Variants in EXD3 observed in about 807,000 individuals in gnomAD.
EXD3 encodes the protein exonuclease 3'-5' domain containing 3.
A neutral mutation model predicts 98.0 loss-of-function variants in EXD3; 92 were observed. The ratio of observed to expected loss-of-function variants is 0.94; its 90% CI spans 0.79 to 1.12. The LOEUF (loss-of-function observed/expected upper bound fraction) is 1.12. Ranked by LOEUF, EXD3 falls within the 50% of genes most tolerant of loss-of-function variation. The probability of loss-of-function intolerance (pLI) is 0.00; values close to 1 mark genes in which losing one functional copy is unlikely to be tolerated. For missense variants in EXD3, 1,222 were observed against 1,191.6 expected, an observed-to-expected ratio of 1.03 and a Z score of -0.38; for synonymous variants, 569 against 526.0, an observed-to-expected ratio of 1.08 and a Z score of -1.12.
intron 1 of EXD3, among the ~76,000 whole-genome samples, chr9:137,413,540 C>G (rs1838101106): frequency 6.9e-6 from 1 of 145,642 alleles, no homozygotes; most frequent in South Asian, 2.2e-4. Flanking sequence ...GGGTCTCGCT[C>G]TGTCACCCAG....
intron 19 of EXD3, among the ~76,000 whole-genome samples, chr9:137,319,868 A>G (rs957716714): frequency 2.0e-5 from 3 of 152,112 alleles, no homozygotes; most frequent in African/African-American, 7.2e-5. Context: ...CCCTCTCCCA[A>G]CAGCTCTCTG....
chr9:137,380,050 G>A (rs1836149692), intron 3 of EXD3, among the ~76,000 whole-genome samples: 1 of 151,898 alleles, frequency 6.6e-6, no homozygotes, highest in African/African-American at 2.4e-5. Context: ...TCCAGCTCCT[G>A]TCCTTATCTT....
intron 1 of EXD3, among the ~76,000 whole-genome samples, chr9:137,406,803 T>C (rs114533924): frequency 0.011 from 1,691 of 152,046 alleles, 27 homozygotes; most frequent in African/African-American, 0.039. Flanking sequence ...GGTGTCTGTG[T>C]CCCGACCCCC....
intron 17 of EXD3, among the ~76,000 whole-genome samples, chr9:137,332,570 G>A (rs185235246): frequency 5.5e-4 from 83 of 150,142 alleles, no homozygotes; most frequent in South Asian, 1.5e-3. Context: ...TTGGCCAGGC[G>A]CAGTGGCTCA....
chr9:137,330,613 A>AG lies in EXD3; in HGVS notation c.1999-6471_1999-6470insC, dbSNP rs549991151. 2.5e-3 allele frequency among the ~76,000 whole-genome samples: 139 copies of AG among 55,858 alleles called. 10 individuals carry two copies. The highest frequency in any genetic ancestry group is 3.8e-3 in the South Asian group (6 of 1,570). 36.6% of individuals were successfully genotyped at this position (55,858 alleles called of 152,430 possible). A position where few individuals can be genotyped will look rare whatever the true frequency, so the allele number is the denominator to read the frequency against. On this transcript the variant is annotated intron_variant, in intron 17 of 21. Transcript: ENST00000340951. ...ACAGGACTACACAGGACTACACAGG[A>AG]CTACACAGGAACTACACAGGACTAC...
chr9:137,382,075 C>CGCGGAGGAGGTCAGGGCG (rs1564194650), intron 3 of EXD3, among the ~76,000 whole-genome samples: 1 of 98,094 alleles, frequency 1.0e-5, no homozygotes, highest in East Asian at 3.1e-4. Context: ...GGTGAGGGCG[C>CGCGGAGGAGGTCAGGGCG]GCGGTGGAGG....
chr9:137,375,823 T>C (rs1478802168), intron 3 of EXD3, among the ~76,000 whole-genome samples: 1 of 152,094 alleles, frequency 6.6e-6, no homozygotes. Context: ...GGGAAAAAGT[T>C]CCAGTAAATG....
chr9:137,335,222 C>T (rs1039419867), intron 17 of EXD3, among the ~76,000 whole-genome samples: 6 of 151,802 alleles, frequency 4.0e-5, no homozygotes, highest in Admixed American at 2.0e-4. Context: ...ACAAAGAATC[C>T]CATCAAAAAA....
chr9:137,420,084 C>T (rs1027719972), intron 1 of EXD3, among the ~76,000 whole-genome samples: 5 of 150,818 alleles, frequency 3.3e-5, no homozygotes, highest in Non-Finnish European at 5.9e-5. Context: ...GGCGTGAACC[C>T]GGGAGGCGGA....
At chr9:137,365,379 G>C (rs145220451) in intron 7 of EXD3, 1 of 152,696 alleles carries the variant, frequency 6.5e-6, no homozygotes, top group African/African-American at 2.4e-5. Flanking sequence ...CCTGCCAGTG[G>C]ATGGGCCCTG....
chr9:137,366,635 G>A lies in EXD3; in HGVS notation c.517-3C>T. On this transcript the variant is annotated splice_polypyrimidine_tract_variant and splice_region_variant and intron_variant, in intron 6 of 21. Transcript: ENST00000340951. ...TGGAGGAGCAGTGGGATGCTCATCT[G>A]CAGGGGGACACACGGTCAGGCCACA... is the stretch of plus-strand genomic sequence containing the variant. 6.4e-7 allele frequency: 1 copy of A among 1,558,204 alleles called. No homozygotes were observed. Among genetic ancestry groups the A allele is most frequent in the Non-Finnish European group, 8.7e-7 (1 of 1,152,248 alleles).
At chr9:137,348,646 G>A (rs1202257062) in intron 16 of EXD3, among the ~76,000 whole-genome samples, 1 of 101,942 alleles carries the variant, frequency 9.8e-6, no homozygotes, top group Non-Finnish European at 2.0e-5. Flanking sequence ...GGATCATGGG[G>A]AGGGGGCTAG....
chr9:137,358,129 C>A (rs567242131), intron 7 of EXD3, among the ~76,000 whole-genome samples: 71 of 152,334 alleles, frequency 4.7e-4, no homozygotes, highest in African/African-American at 1.7e-3. Context: ...CCAGTTCACA[C>A]TCAGTGTTAA....
rs2119106026 is a variant in EXD3 at position 137,324,360 on chromosome 9, C to G, written c.1999-217G>C. 6.6e-6 allele frequency among the ~76,000 whole-genome samples: 1 copy of G among 152,220 alleles called. No homozygotes were observed. The highest frequency in any genetic ancestry group is 1.5e-5 in the Non-Finnish European group (1 of 68,018). On this transcript the variant is annotated intron_variant, in intron 17 of 21. Coordinates refer to ENST00000340951, the MANE Select transcript of EXD3 (RefSeq NM_017820.5). The surrounding 1 kb of genome is among the most constrained non-coding windows in gnomAD (Gnocchi z 4.1). ...GTATAGATTTAATCTTGGCACCACG[C>G]AAACATTTTTTTTTCATAATTAGAA...
At chr9:137,365,774 C>T (rs895079365) in intron 7 of EXD3, 15 of 324,888 alleles carry the variant, frequency 4.6e-5, no homozygotes, top group South Asian at 1.5e-4. Flanking sequence ...ACCACATGCA[C>T]GAAAACACAC....
intron 1 of EXD3, among the ~76,000 whole-genome samples, chr9:137,418,517 G>C (rs1838347818): frequency 1.3e-5 from 2 of 152,326 alleles, no homozygotes; most frequent in South Asian, 4.1e-4. Flanking sequence ...TTTAGGAGAT[G>C]CATCTCTGTA....
intron 10 of EXD3, chr9:137,353,578 AG>A: frequency 9.1e-6 from 9 of 985,898 alleles, no homozygotes; most frequent in Non-Finnish European, 1.1e-5. Context: ...CATCCTCACC[AG>A]GGTGAGCTCT....
chr9:137,327,106 G>A (rs1832448854), intron 17 of EXD3, among the ~76,000 whole-genome samples: 3 of 151,926 alleles, frequency 2.0e-5, no homozygotes, highest in Admixed American at 6.6e-5. Flanking sequence ...CTAGAAGGAG[G>A]GGAGGGGAGA....
At position 137,383,709 on chromosome 9, in the gene EXD3, C is replaced by A. The variant is rs1483369144; in HGVS notation, c.56-332G>T. Among the ~76,000 whole-genome samples, 5 of 152,244 alleles carry A rather than the reference C, an allele frequency of 3.3e-5. No homozygotes were observed. The East Asian group carries it at 9.6e-4, about 29-fold the overall frequency. Reference sequence around the variant, plus strand: ...CGTGGGCCTGAGCCTCTACCTGCTCCGCCTGGCGCCCTCGGCAACCTCATC... The same window carrying A: ...CGTGGGCCTGAGCCTCTACCTGCTCAGCCTGGCGCCCTCGGCAACCTCATC... On this transcript the variant is annotated intron_variant, in intron 2 of 21. Coordinates refer to ENST00000340951, the MANE Select transcript of EXD3 (RefSeq NM_017820.5).
Sources: allele counts gnomAD v4.1 joint callset (sites outside exome capture counted in the v4.1 genomes callset), GRCh38; gene constraint gnomAD v4.1.1; non-coding constraint Gnocchi (gnomAD v3.1); transcripts MANE v1.5; gene names NCBI Gene and HGNC (gene_info 2026-07-23, HGNC 2026-07-21).